ZNF75A: variants seen among roughly 807,000 people sequenced by gnomAD.
ZNF75A encodes the protein zinc finger protein 75A.
ZNF75A carries 36 observed loss-of-function variants against 46.3 expected under a neutral mutation model. The observed-to-expected ratio is 0.78, with a 90% CI of 0.60 to 1.03. The LOEUF is 1.03. ZNF75A is among the 50% of genes least tolerant of loss of function. The pLI is 0.00. For missense variants in ZNF75A, 595 were observed against 551.3 expected (o/e 1.08, Z -0.79); for synonymous variants, 234 against 189.9 (o/e 1.23, Z -1.91).
At position 3,316,920 on chromosome 16, in the gene ZNF75A, G is replaced by A. The variant is rs1961250428; in HGVS notation, c.832G>A (p.Val278Met). 3 of 1,611,150 alleles carry A rather than the reference G, an allele frequency of 1.9e-6. No individual in the cohort carries two copies. Among genetic ancestry groups the A allele is most frequent in the African/African-American group, 1.3e-5 (1 of 74,760 alleles). ...YETVISLALF[V>M]LPKPKVISCL... ...TTTTGTCCATTTGACAGCATTGTTT[G>A]TGCTCCCCAAACCTAAAGTGATCTC... is the stretch of plus-strand genomic sequence containing the variant. Residue 278 changes from valine (V) to methionine (M), a missense_variant, in exon 6 of 7, where the codon GTG becomes ATG. By Grantham distance (21) the Val-to-Met change is conservative. Coordinates refer to ENST00000669516, the MANE Select transcript of ZNF75A (RefSeq NM_001302109.2).
chr16:3,314,326 T>G (rs564619505), intron 5 of ZNF75A, among the ~76,000 whole-genome samples: 3 of 152,174 alleles, frequency 2.0e-5, no homozygotes, highest in Admixed American at 6.5e-5. Flanking sequence ...CTCAACAGAT[T>G]TTAGTCTTTC....
intron 5 of ZNF75A, chr16:3,315,005 G>A: frequency 2.0e-6 from 2 of 985,188 alleles, no homozygotes; most frequent in Non-Finnish European, 2.4e-6. Flanking sequence ...AGCGGAGGGT[G>A]TAGGTGGTGT....
chr16:3,319,783 A>ATTTTTTTTTTTTTTTTTTTTTTTTTTTTT (rs55767869), downstream of ZNF75A, among the ~76,000 whole-genome samples: 1 of 133,296 alleles, frequency 7.5e-6, no homozygotes, highest in Non-Finnish European at 1.6e-5. Context: ...GAAGCTTTTC[A>ATTTTTTTTTTTTTTTTTTTTTTTTTTTTT]TTTTTTTTTT....
At chr16:3,323,324 C>A, downstream of ZNF75A, 1 of 1,099,548 alleles carries the variant, frequency 9.1e-7, no homozygotes, top group African/African-American at 1.5e-5. Context: ...ACCATGAGAT[C>A]TCCTGGAAAT....
intron 2 of ZNF75A, 56 bp from the exon 3 acceptor site, chr16:3,311,697 C>A: frequency 1.0e-6 from 1 of 969,060 alleles, no homozygotes; most frequent in Non-Finnish European, 1.2e-6. Context: ...GCTCTGCCTC[C>A]ACCCCCACAA....
chr16:3,321,562 C>T (rs980057344), downstream of ZNF75A, among the ~76,000 whole-genome samples: 6 of 152,182 alleles, frequency 3.9e-5, no homozygotes, highest in Admixed American at 3.3e-4. Context: ...ATCTCCCAGT[C>T]TCAAGCAATC....
chr16:3,308,432 A>G lies in ZNF75A; in HGVS notation c.4A>G (p.Met2Val). 1.0e-6 allele frequency: 1 copy of G among 985,886 alleles called. No homozygotes were observed. The highest frequency in any genetic ancestry group is 1.2e-6 in the Non-Finnish European group (1 of 829,948). The allele number at this position is 985,886 out of a possible 1,614,324, so 61.1% of individuals were successfully genotyped here. MMMVDLKVAAYL... is the reference protein window; with the variant it reads MVMVDLKVAAYL... ...GAGCAGAACTTCCTAGAGCAGAATG[A>G]TGATGGTAGATCTGAAAGTGGCTGC... The change falls in exon 2 of 7, where the codon ATG (methionine) becomes GTG (valine). Residue 2 changes from methionine (M) to valine (V), a missense_variant. Physicochemically the swap from Met to Val is conservative, Grantham distance 21. Transcript: ENST00000669516.
Position 3,318,266 on chromosome 16 carries a change from G to A in ZNF75A, c.*397G>A, listed in dbSNP as rs1961376946. ...GTAAAGTGTTCCAGGAACCAAATTG[G>A]ATTTTCTTTCTTTTGTCATTGGACA... On this transcript the variant is annotated 3_prime_UTR_variant, in exon 7 of 7. Coordinates refer to ENST00000669516, the MANE Select transcript of ZNF75A (RefSeq NM_001302109.2). 1.0e-6 allele frequency: 1 copy of A among 990,640 alleles called. No individual in the cohort carries two copies. Among genetic ancestry groups the A allele is most frequent in the Non-Finnish European group, 1.2e-6 (1 of 833,770 alleles). 61.4% of individuals were successfully genotyped at this position (990,640 alleles called of 1,614,324 possible).
rs1282380400 is a variant in ZNF75A, at chr16:3,318,362, TCA to T, written c.*496_*497del. On this transcript the variant is annotated 3_prime_UTR_variant, in exon 7 of 7. Coordinates refer to ENST00000669516, the MANE Select transcript of ZNF75A (RefSeq NM_001302109.2). The stretch of plus-strand genomic sequence containing the variant: ...CGGCAACTTCTCTTGGATCCTGTTA[TCA>T]CAGTTTTTTACTGTGATGAAATCTT... The T allele has an allele frequency of 8.1e-6, 8 of 987,852 alleles. No individual in the cohort carries two copies. The highest frequency in any genetic ancestry group is 9.6e-6 in the Non-Finnish European group (8 of 831,702). 61.2% of individuals were successfully genotyped at this position (987,852 alleles called of 1,614,324 possible).
At chr16:3,316,041 T>G (rs762059828) in intron 5 of ZNF75A, 3 of 152,244 alleles carry the variant, frequency 2.0e-5, no homozygotes, top group East Asian at 1.9e-4. Flanking sequence ...CAAGTATTAC[T>G]TTCTCAAAGA....
Position 3,318,142 on chromosome 16 carries a change from C to G in ZNF75A, c.*273C>G, listed in dbSNP as rs1961368484. The G allele has an allele frequency of 8.4e-6, 10 of 1,187,178 alleles. No homozygotes were observed. In the South Asian group the frequency reaches 3.3e-4, roughly 39 times the overall value. The allele number at this position is 1,187,178 out of a possible 1,614,324, so 73.5% of individuals were successfully genotyped here. A position where few individuals can be genotyped will look rare whatever the true frequency, so the allele number is the denominator to read the frequency against. On this transcript the variant is annotated 3_prime_UTR_variant, in exon 7 of 7. Coordinates refer to ENST00000669516, the MANE Select transcript of ZNF75A (RefSeq NM_001302109.2). ...ACATTGGCAGCATGGTCTTCCAAAA[C>G]AAAAAGCAGTAACATGCATGTTTAA...
Position 3,308,582 on chromosome 16 carries a change from C to G in ZNF75A, c.154C>G (p.Arg52Gly), listed in dbSNP as rs532175874. The change falls in exon 2 of 7, where the codon CGG becomes GGG. Residue 52 changes from arginine to glycine, a missense_variant. By Grantham distance (125) the Arg-to-Gly change is moderately radical (BLOSUM62 -2). Coordinates refer to ENST00000669516, the MANE Select transcript of ZNF75A (RefSeq NM_001302109.2). ...TCCTAAGAGCTCTTGCTGGCACTTC[C>G]GGAATTTCACCTATGATGAAGCAGG... ...LDPKSSCWHF[R>G]NFTYDEAGGP... 1.0e-6 allele frequency: 1 copy of G among 985,812 alleles called. No homozygotes were observed. The highest frequency in any genetic ancestry group is 1.1e-4 in the East Asian group (1 of 8,826). 61.1% of individuals were successfully genotyped at this position (985,812 alleles called of 1,614,324 possible).
At position 3,318,083 on chromosome 16, in the gene ZNF75A, T is replaced by C; in HGVS notation, c.*214T>C. 7.4e-7 allele frequency: 1 copy of C among 1,343,680 alleles called. No individual in the cohort carries two copies. The allele number at this position is 1,343,680 out of a possible 1,614,324, so 83.2% of individuals were successfully genotyped here. Reference sequence around the variant, plus strand: ...GTAAACATTGTTGGCTTTGTATTGATCTCTCCAGTCATTTTTGAACACATC... The same window carrying C: ...GTAAACATTGTTGGCTTTGTATTGACCTCTCCAGTCATTTTTGAACACATC... On this transcript the variant is annotated 3_prime_UTR_variant, in exon 7 of 7. Coordinates refer to ENST00000669516, the MANE Select transcript of ZNF75A (RefSeq NM_001302109.2).
At chr16:3,312,960 C>T (rs1009769747) in intron 4 of ZNF75A, 89 bp from the exon 5 acceptor site, 3 of 1,454,702 alleles carry the variant, frequency 2.1e-6, no homozygotes, top group South Asian at 1.4e-5. Flanking sequence ...TCTTTTAATT[C>T]CTTTATCGCC....
chr16:3,314,785 C>T (rs990197926), intron 5 of ZNF75A: 1 of 985,380 alleles, frequency 1.0e-6, no homozygotes, highest in African/African-American at 1.7e-5. Context: ...ATATTTTTCT[C>T]AGGAAGAATT....
chr16:3,307,679 AT>A (rs201570834), intron 1 of ZNF75A: 3,578 of 133,426 alleles, frequency 0.027, 239 homozygotes, highest in East Asian at 0.26. Context: ...CATCCTGGCT[AT>A]TTTTTTTTTT....
At chr16:3,311,669 G>A in intron 2 of ZNF75A, 84 bp from the exon 3 acceptor site, 1 of 697,840 alleles carries the variant, frequency 1.4e-6, no homozygotes, top group Middle Eastern at 7.5e-4. Flanking sequence ...TACCCACAAT[G>A]TGGGCTGTAC....
chr16:3,308,870 A>G (rs897557379), intron 2 of ZNF75A, 34 bp downstream of exon 2: 12 of 984,072 alleles, frequency 1.2e-5, no homozygotes, highest in Non-Finnish European at 1.4e-5. Flanking sequence ...GTACAGTGAA[A>G]TAGGATGCAG....
rs764207718 is a variant in ZNF75A, at chr16:3,317,866, G to C, written c.1611G>C (p.Leu537=). Residue 537 remains leucine, a synonymous_variant, in exon 7 of 7, where the codon CTG becomes CTC. Transcript: ENST00000669516. ...SSLLRHQKLH[L] ...TTCTTAGACACCAGAAACTCCACCTGTGAAGAGAAGCTTGTCCAGTGTCCT... is the reference window on the plus strand; with the variant it reads ...TTCTTAGACACCAGAAACTCCACCTCTGAAGAGAAGCTTGTCCAGTGTCCT... 1 of 1,600,676 alleles carries C rather than the reference G, an allele frequency of 6.2e-7. No homozygotes were observed. The highest frequency in any genetic ancestry group is 1.7e-5 in the Admixed American group (1 of 58,102).
Sources: gnomAD v4.1 joint callset for allele counts (sites outside exome capture counted in the v4.1 genomes callset) on GRCh38, gnomAD v4.1.1 for gene constraint, MANE v1.5 for transcripts, NCBI Gene and HGNC (gene_info 2026-07-23, HGNC 2026-07-21) for gene names.